The following ADGRD1 variants were observed in gnomAD, a reference collection of about 807,000 sequenced individuals.
ADGRD1 encodes the protein G-protein coupled receptor 133.
A neutral mutation model predicts 113.4 loss-of-function variants in ADGRD1; 77 were observed. The ratio of observed to expected loss-of-function variants is 0.68; its 90% CI spans 0.57 to 0.82. ADGRD1 has a LOEUF of 0.82. Among genes scored for constraint, ADGRD1 ranks in the 40% least tolerant of loss-of-function variants. ADGRD1 has a pLI of 0.00. For synonymous variants in ADGRD1, 474 were observed against 475.0 expected, an observed-to-expected ratio of 1.00 and a Z score of 0.03; for missense variants, 1,036 against 1,139.1, an observed-to-expected ratio of 0.91 and a Z score of 1.30.
At position 131,121,579 on chromosome 12, in the gene ADGRD1, C is replaced by T. The variant is rs542995050; in HGVS notation, c.2175+666C>T. Among the ~76,000 whole-genome samples the T allele has an allele frequency of 5.3e-5, 8 of 152,300 alleles. No homozygotes were observed. In the East Asian group the frequency reaches 1.2e-3, roughly 22 times the overall value. Reference sequence around the variant, plus strand: ...ATTTTTAGTAGAGACGGGGTTTCACCGTGTTGGCCAGGCTGGTCTCGAACT... The same window carrying T: ...ATTTTTAGTAGAGACGGGGTTTCACTGTGTTGGCCAGGCTGGTCTCGAACT... On this transcript the variant is annotated intron_variant, in intron 20 of 24. Coordinates refer to ENST00000261654, the MANE Select transcript of ADGRD1 (RefSeq NM_198827.5).
intron 9 of ADGRD1, among the ~76,000 whole-genome samples, chr12:131,001,567 G>A (rs1017437816): frequency 6.6e-6 from 1 of 152,166 alleles, no homozygotes; most frequent in Non-Finnish European, 1.5e-5. Context: ...GTCAGGACAG[G>A]CCAGGGTGCA....
At chr12:131,104,089 G>C (rs1235365326) in intron 15 of ADGRD1, among the ~76,000 whole-genome samples, 3 of 152,254 alleles carry the variant, frequency 2.0e-5, no homozygotes, top group African/African-American at 7.2e-5. Context: ...GGTGTGTTCT[G>C]TTCTGCCTCA....
chr12:130,968,880 C>T (rs1871301276), intron 3 of ADGRD1: 2 of 699,218 alleles, frequency 2.9e-6, no homozygotes, highest in East Asian at 2.7e-5. Context: ...TGAAAGAGCC[C>T]CTCCTGGTGC....
intron 13 of ADGRD1, among the ~76,000 whole-genome samples, chr12:131,030,407 A>G (rs141532130): frequency 2.0e-5 from 3 of 152,336 alleles, no homozygotes; most frequent in East Asian, 1.9e-4. Context: ...CAGTGGCTCT[A>G]TCTCCGAGAA....
intron 4 of ADGRD1, among the ~76,000 whole-genome samples, chr12:130,972,873 A>G (rs1175618272): frequency 6.6e-6 from 1 of 152,120 alleles, no homozygotes; most frequent in Middle Eastern, 3.2e-3. Context: ...GCCTGGGACT[A>G]TCACAGATAA....
intron 20 of ADGRD1, among the ~76,000 whole-genome samples, chr12:131,126,681 C>T (rs755719107): frequency 6.6e-6 from 1 of 152,192 alleles, no homozygotes; most frequent in Non-Finnish European, 1.5e-5. Context: ...ATAGTAGCCA[C>T]GAGACCTTTG....
At chr12:130,977,004 C>G (rs112312308) in intron 4 of ADGRD1, 1 of 152,226 alleles carries the variant, frequency 6.6e-6, no homozygotes, top group Non-Finnish European at 1.5e-5. Flanking sequence ...CCAGCCTGGA[C>G]CACAGGGCAA....
At chr12:131,118,485 C>T (rs370456748) in intron 19 of ADGRD1, 34 bp downstream of exon 19, 10 of 1,531,538 alleles carry the variant, frequency 6.5e-6, no homozygotes, top group Admixed American at 3.6e-5. Context: ...TTTTGGCAGG[C>T]GTTCCATGGA....
At chr12:131,103,768 T>TGGGTCTG (rs1288396617) in intron 15 of ADGRD1, among the ~76,000 whole-genome samples, 3 of 152,158 alleles carry the variant, frequency 2.0e-5, no homozygotes, top group Admixed American at 6.5e-5. Context: ...CGGGGGGACG[T>TGGGTCTG]GGGTCTGGGG....
chr12:131,060,305 G>C lies in ADGRD1; in HGVS notation c.1474-16496G>C, dbSNP rs145038790. ...GCTGGGTGGGGCCACACTTTCTCCC[G>C]TGGTATTTGGAGTAGCTAATTACTG... On this transcript the variant is annotated intron_variant, in intron 13 of 24. Transcript: ENST00000261654. This position sits in a 1 kb window ranked among gnomAD's most constrained non-coding sequence, Gnocchi z 4.4. Among the ~76,000 whole-genome samples the C allele has an allele frequency of 2.5e-3, 374 of 152,356 alleles. No individual in the cohort carries two copies. Among genetic ancestry groups the C allele is most frequent in the African/African-American group, 8.3e-3 (345 of 41,576 alleles).
chr12:130,965,888 A>G lies in ADGRD1; in HGVS notation c.104-575A>G, dbSNP rs866758289. Among the ~76,000 whole-genome samples, 8 of 152,368 alleles carry G rather than the reference A, an allele frequency of 5.3e-5. 1 individual carries two copies. Among genetic ancestry groups the G allele is most frequent in the Middle Eastern group, 6.8e-3 (2 of 294 alleles). ...TGAGAAAGTGAGTATTGCGTCTACAATGAGCTGGCAGTGTGATTTTGTGCA... is the reference window on the plus strand; with the variant it reads ...TGAGAAAGTGAGTATTGCGTCTACAGTGAGCTGGCAGTGTGATTTTGTGCA... On this transcript the variant is annotated intron_variant, in intron 2 of 24. Coordinates refer to ENST00000261654, the MANE Select transcript of ADGRD1 (RefSeq NM_198827.5). This position sits in a 1 kb window ranked among gnomAD's most constrained non-coding sequence, Gnocchi z 4.8.
intron 15 of ADGRD1, among the ~76,000 whole-genome samples, chr12:131,097,278 T>TC (rs1887354907): frequency 6.6e-6 from 1 of 151,818 alleles, no homozygotes; most frequent in Non-Finnish European, 1.5e-5. Context: ...AGGGTGATGG[T>TC]CCCCCCAGCT....
intron 13 of ADGRD1, among the ~76,000 whole-genome samples, chr12:131,028,444 G>A (rs988577875): frequency 3.3e-5 from 5 of 152,082 alleles, no homozygotes; most frequent in Non-Finnish European, 5.9e-5. Context: ...AGTTTTCAAC[G>A]TCAGTGCAGT....
Position 131,049,929 on chromosome 12 carries a change from G to A in ADGRD1, c.1474-26872G>A, listed in dbSNP as rs560987736. On this transcript the variant is annotated intron_variant, in intron 13 of 24. Coordinates refer to ENST00000261654, the MANE Select transcript of ADGRD1 (RefSeq NM_198827.5). Reference sequence around the variant, plus strand: ...CACAGCAGGAAAAGATGGGAACCGAGCATCTAAAACCTGGACAAGCAGGAC... The same window carrying A: ...CACAGCAGGAAAAGATGGGAACCGAACATCTAAAACCTGGACAAGCAGGAC... Among the ~76,000 whole-genome samples the A allele has an allele frequency of 2.6e-5, 4 of 152,320 alleles. No homozygotes were observed. In the South Asian group the frequency reaches 8.3e-4, roughly 32 times the overall value.
intron 18 of ADGRD1, among the ~76,000 whole-genome samples, chr12:131,115,348 G>A (rs1950438974): frequency 6.6e-6 from 1 of 152,134 alleles, no homozygotes; most frequent in Non-Finnish European, 1.5e-5. Flanking sequence ...ACAACTCAGT[G>A]CCCAGAACCA....
intron 8 of ADGRD1, among the ~76,000 whole-genome samples, chr12:130,993,466 C>G (rs1473187000): frequency 6.6e-6 from 1 of 150,852 alleles, no homozygotes; most frequent in Non-Finnish European, 1.5e-5. Context: ...TCCCTGCTTT[C>G]AAGAGGCTCA....
intron 13 of ADGRD1, among the ~76,000 whole-genome samples, chr12:131,046,180 ATGCTCCCTCCCTGGTCAG>A (rs1382440906): frequency 8.6e-4 from 10 of 11,688 alleles, no homozygotes; most frequent in South Asian, 4.6e-3. Flanking sequence ...TTCCTGGTCA[ATGCTCCCTCCCTGGTCAG>A]TGCTCCCTCC....
At chr12:130,996,018 GCA>G (rs1875264789) in intron 8 of ADGRD1, among the ~76,000 whole-genome samples, 1 of 151,986 alleles carries the variant, frequency 6.6e-6, no homozygotes, top group African/African-American at 2.4e-5. Flanking sequence ...GTTTAACAAA[GCA>G]CATCTTGCAC....
intron 2 of ADGRD1, among the ~76,000 whole-genome samples, chr12:130,958,916 A>G (rs1217064310): frequency 6.6e-6 from 1 of 152,214 alleles, no homozygotes; most frequent in Admixed American, 6.5e-5. Flanking sequence ...GCGGGTGGAG[A>G]AGCGTGTCTT....
Sources: allele counts gnomAD v4.1 joint callset (sites outside exome capture counted in the v4.1 genomes callset), GRCh38; gene constraint gnomAD v4.1.1; non-coding constraint Gnocchi (gnomAD v3.1); transcripts MANE v1.5; gene names NCBI Gene and HGNC (gene_info 2026-07-23, HGNC 2026-07-21).